The following DRC3 variants were observed in gnomAD, a reference collection of about 807,000 sequenced individuals.
DRC3 encodes dynein regulatory complex subunit 3.
DRC3 carries 45 observed loss-of-function variants against 57.6 expected under a neutral mutation model. The ratio of observed to expected loss-of-function variants is 0.78; its 90% confidence interval spans 0.62 to 1.00. The LOEUF (loss-of-function observed/expected upper bound fraction) is 1.00, where lower values mean the gene tolerates loss of function less well. Ranked by LOEUF, DRC3 falls within the 50% of genes least tolerant of loss-of-function variation. DRC3 has a pLI of 0.00. For synonymous variants in DRC3, 257 were observed against 272.3 expected (o/e 0.94, Z 0.55); for missense variants, 655 against 675.2 (o/e 0.97, Z 0.33).
chr17:18,010,939 GTTTT>G (rs61680283), intron 12 of DRC3: 45 of 235,722 alleles, frequency 1.9e-4, no homozygotes, highest in Middle Eastern at 1.6e-3. Flanking sequence ...CAAGGATGAG[GTTTT>G]TTTTTTGTTT....
intron 3 of DRC3, 115 bp from the exon 4 acceptor site, chr17:17,983,713 G>C: frequency 1.4e-6 from 1 of 698,742 alleles, no homozygotes; most frequent in Non-Finnish European, 2.5e-6. Flanking sequence ...GCGTACTCCA[G>C]GGCAGGGCAG....
chr17:18,000,212 G>A (rs1269779859), intron 9 of DRC3, among the ~76,000 whole-genome samples: 1 of 145,416 alleles, frequency 6.9e-6, no homozygotes, highest in Non-Finnish European at 1.5e-5. Context: ...GTGTGTGTGT[G>A]CATAGCATGC....
intron 9 of DRC3, among the ~76,000 whole-genome samples, chr17:18,002,627 T>G (rs1250694186): frequency 6.6e-6 from 1 of 152,220 alleles, no homozygotes; most frequent in Non-Finnish European, 1.5e-5. Flanking sequence ...GGCCTGTGCC[T>G]GTGATAGGCC....
At position 18,004,222 on chromosome 17, in the gene DRC3, G is replaced by A. The variant is rs180978480; in HGVS notation, c.1000-141G>A. The A allele has an allele frequency of 1.8e-4, 161 of 882,112 alleles. 2 individuals are homozygous for A. In the Admixed American group the frequency reaches 1.9e-3, roughly 10 times the overall value. The allele number at this position is 882,112 out of a possible 1,614,324, so 54.6% of individuals were successfully genotyped here. On this transcript the variant is annotated intron_variant, in intron 9 of 13. Coordinates refer to ENST00000399187, the MANE Select transcript of DRC3 (RefSeq NM_031294.4). ...TAGGTAGCTTCTACACGCTTTCAGAGCCAGCAAATGGCAAAGCTGAGACTT... is the reference window on the plus strand; with the variant it reads ...TAGGTAGCTTCTACACGCTTTCAGAACCAGCAAATGGCAAAGCTGAGACTT...
chr17:17,977,780 G>A, intron 3 of DRC3, 22 bp downstream of exon 3: 1 of 1,557,652 alleles, frequency 6.4e-7, no homozygotes, highest in Non-Finnish European at 8.7e-7. Flanking sequence ...AGGTTCAGGG[G>A]TGGTGGCCAG....
chr17:17,997,449 C>T lies in DRC3; in HGVS notation c.825-11C>T, dbSNP rs750092611. On this transcript the variant is annotated splice_polypyrimidine_tract_variant and intron_variant, in intron 8 of 13. Coordinates refer to ENST00000399187, the MANE Select transcript of DRC3 (RefSeq NM_031294.4). ...CTGAAACAGCTGTGGGCTTCCTTAA[C>T]AGCCACTCACCTACAAGGACAAGTT... The T allele has an allele frequency of 1.9e-6, 3 of 1,612,170 alleles. No individual in the cohort carries two copies. Among genetic ancestry groups the T allele is most frequent in the South Asian group, 1.1e-5 (1 of 90,564 alleles).
chr17:17,999,480 A>T (rs1005090113), intron 9 of DRC3, among the ~76,000 whole-genome samples: 1 of 151,802 alleles, frequency 6.6e-6, no homozygotes, highest in Non-Finnish European at 1.5e-5. Context: ...GGCCCTGCAG[A>T]CCTCCAGTTC....
chr17:18,011,125 T>G (rs1226722910), intron 12 of DRC3: 1 of 211,444 alleles, frequency 4.7e-6, no homozygotes, highest in Non-Finnish European at 9.6e-6. Context: ...GCCCAGCTAA[T>G]TTTGTATTTT....
Position 18,007,220 on chromosome 17 carries a change from T to C in DRC3, c.1326+73T>C, listed in dbSNP as rs1176334759. ...GCTCTGTGGCTGGACTGAGGCTCTG[T>C]GAGTAAGCCTGACAACCTCCCAGAG... On this transcript the variant is annotated intron_variant, in intron 12 of 13. Transcript: ENST00000399187. 3 of 291,282 alleles carry C rather than the reference T, an allele frequency of 1.0e-5. No individual in the cohort carries two copies. The African/African-American group carries it at 3.7e-4, about 36-fold the overall frequency. The allele number at this position is 291,282 out of a possible 1,614,324, so 18.0% of individuals were successfully genotyped here. A position where few individuals can be genotyped will look rare whatever the true frequency, so the allele number is the denominator to read the frequency against.
In DRC3 at chr17:17,973,874, G is replaced by C. The variant is rs149218000; in HGVS notation, c.-106G>C. 7.9e-5 allele frequency: 12 copies of C among 152,366 alleles called. No homozygotes were observed. The highest frequency in any genetic ancestry group is 2.6e-4 in the African/African-American group (11 of 41,596). 9.4% of individuals were successfully genotyped at this position (152,366 alleles called of 1,614,324 possible). ...CAGGAAAATTCTGGATCTGTTATCT[G>C]TGAGGAGGCCACTCCGTTGACAGTT... On this transcript the variant is annotated 5_prime_UTR_variant, in exon 2 of 14. Transcript: ENST00000399187.
Position 17,977,723 on chromosome 17 carries a change from T to C in DRC3, c.125T>C (p.Phe42Ser). The change falls in exon 3 of 14, where the codon TTC becomes TCC. Residue 42 changes from phenylalanine (F) to serine (S), a missense_variant. Phe to Ser is a radical substitution (Grantham distance 155). Coordinates refer to ENST00000399187, the MANE Select transcript of DRC3 (RefSeq NM_031294.4). ...CTGGCCAAGCAGGAGGGCATCCTCT[T>C]CAAGGATGTCCTGTCCCTGCAGCTG... ...GQLAKQEGIL[F>S]KDVLSLQLDF... 6.2e-7 allele frequency: 1 copy of C among 1,612,784 alleles called. No individual in the cohort carries two copies. The highest frequency in any genetic ancestry group is 8.5e-7 in the Non-Finnish European group (1 of 1,179,324).
At chr17:18,011,371 G>A (rs1215489152) in intron 12 of DRC3, 6 of 322,416 alleles carry the variant, frequency 1.9e-5, no homozygotes, top group Admixed American at 1.8e-4. Context: ...CACTCTGGGT[G>A]TTAAGTGCTC....
chr17:17,992,940 C>A (rs1278132800), intron 6 of DRC3, 29 bp downstream of exon 6: 1 of 1,611,132 alleles, frequency 6.2e-7, no homozygotes. Context: ...GTCTCCCAGC[C>A]CTGTGAGACA....
At chr17:17,980,285 G>GT (rs541055069) in intron 3 of DRC3, among the ~76,000 whole-genome samples, 23,488 of 145,280 alleles carry the variant, frequency 0.16, 2,673 homozygotes, top group East Asian at 0.5. Flanking sequence ...TATTGTTGTT[G>GT]TTTTTTTTTT....
chr17:17,975,316 A>C (rs2042331250), intron 2 of DRC3, among the ~76,000 whole-genome samples: 1 of 149,952 alleles, frequency 6.7e-6, no homozygotes, highest in Admixed American at 6.7e-5. Flanking sequence ...GGTTCAAGCG[A>C]TTCTCCTGCC....
At chr17:18,009,163 C>T (rs2044084166) in intron 12 of DRC3, among the ~76,000 whole-genome samples, 1 of 152,210 alleles carries the variant, frequency 6.6e-6, no homozygotes, top group African/African-American at 2.4e-5. Flanking sequence ...GTAATACCAA[C>T]ATCACTTTGA....
chr17:17,995,321 G>C (rs989278430), intron 8 of DRC3, among the ~76,000 whole-genome samples: 10 of 152,256 alleles, frequency 6.6e-5, no homozygotes, highest in Non-Finnish European at 1.3e-4. Context: ...TCAGGGACAT[G>C]TGTAGTATCT....
chr17:18,000,077 CGT>C (rs35063272), intron 9 of DRC3, among the ~76,000 whole-genome samples: 24,707 of 131,398 alleles, frequency 0.19, 2,013 homozygotes, highest in South Asian at 0.41. Flanking sequence ...ACTTTGCTTT[CGT>C]GTGTGTGTGT....
chr17:18,004,079 T>A (rs7209003), intron 9 of DRC3, among the ~76,000 whole-genome samples: 66,957 of 151,874 alleles, frequency 0.44, 16,272 homozygotes, highest in East Asian at 0.9. Context: ...AACCTGAGCT[T>A]ACAGGGAGTG....
Sources: gnomAD v4.1 joint callset for allele counts (sites outside exome capture counted in the v4.1 genomes callset) on GRCh38, gnomAD v4.1.1 for gene constraint, MANE v1.5 for transcripts, NCBI Gene and HGNC (gene_info 2026-07-23, HGNC 2026-07-21) for gene names.